Variants in FOXN3 observed in about 807,000 individuals in gnomAD.
FOXN3 encodes the protein forkhead box protein N3.
FOXN3 carries 7 observed loss-of-function variants against 38.4 expected under a neutral mutation model. The observed-to-expected ratio is 0.18, with a 90% CI of 0.10 to 0.34. The LOEUF (loss-of-function observed/expected upper bound fraction) is 0.34. FOXN3 is among the 10% of genes least tolerant of loss of function. The probability of loss-of-function intolerance (pLI) is 1.00; values close to 1 mark genes in which losing one functional copy is unlikely to be tolerated. For missense variants in FOXN3, 456 were observed against 613.4 expected (o/e 0.74, Z 2.71); for synonymous variants, 230 against 242.2 (o/e 0.95, Z 0.47).
intron 4 of FOXN3, among the ~76,000 whole-genome samples, chr14:89,226,175 TAAAAA>T (rs138507883): frequency 9.2e-6 from 1 of 108,274 alleles, no homozygotes; most frequent in Non-Finnish European, 1.9e-5. Flanking sequence ...CAAGGAGACA[TAAAAA>T]AAAAAAAAAG....
At chr14:89,211,798 G>T (rs577518011) in intron 4 of FOXN3, among the ~76,000 whole-genome samples, 1 of 152,312 alleles carries the variant, frequency 6.6e-6, no homozygotes, top group South Asian at 2.1e-4. Context: ...TTTGGTCTGG[G>T]ATGATCCTGA....
chr14:89,246,542 C>CTTTTTTTTTTTTTTTTTTTTTTTT (rs755916666), intron 4 of FOXN3, among the ~76,000 whole-genome samples: 1 of 83,986 alleles, frequency 1.2e-5, no homozygotes, highest in Non-Finnish European at 2.1e-5. Flanking sequence ...CAGGATGCGG[C>CTTTTTTTTTTTTTTTTTTTTTTTT]TTTTTTTTTT....
intron 4 of FOXN3, among the ~76,000 whole-genome samples, chr14:89,268,769 T>G (rs1886059721): frequency 6.6e-6 from 1 of 152,128 alleles, no homozygotes. Flanking sequence ...AGGGAGTTTC[T>G]GTAAGAAGCT....
intron 1 of FOXN3, among the ~76,000 whole-genome samples, chr14:89,465,223 GTT>G (rs11307971): frequency 0.12 from 18,001 of 151,922 alleles, 1,171 homozygotes; most frequent in African/African-American, 0.17. Flanking sequence ...GCATGTCTTT[GTT>G]TTTTTTTGTT....
At chr14:89,376,900 G>A (rs188943766) in intron 2 of FOXN3, among the ~76,000 whole-genome samples, 6 of 151,480 alleles carry the variant, frequency 4.0e-5, no homozygotes, top group Admixed American at 1.3e-4. Flanking sequence ...TGTAATCCCA[G>A]CTACTCAGGA....
In FOXN3 at chr14:89,412,512, A is replaced by C. The variant is rs772112469; in HGVS notation, c.-14-22T>G. 1 of 1,555,950 alleles carries C rather than the reference A, an allele frequency of 6.4e-7. No homozygotes were observed. Among genetic ancestry groups the C allele is most frequent in the Non-Finnish European group, 8.7e-7 (1 of 1,149,488 alleles). On this transcript the variant is annotated intron_variant, in intron 1 of 5. Transcript: ENST00000557258. The surrounding 1 kb of genome is among the most constrained non-coding windows in gnomAD (Gnocchi z 4.7). Reference sequence around the variant, plus strand: ...GCTCCTAGTAAAGACATCACAAAGAAATGATGAGCTGGCGAGGCCCAAAAC... The same window carrying C: ...GCTCCTAGTAAAGACATCACAAAGACATGATGAGCTGGCGAGGCCCAAAAC...
chr14:89,187,887 T>A, intron 4 of FOXN3, among the ~76,000 whole-genome samples: 1 of 152,160 alleles, frequency 6.6e-6, no homozygotes, highest in Non-Finnish European at 1.5e-5. Context: ...GTACTTGCCC[T>A]TGACCTCCAG....
chr14:89,559,691 A>G (rs760340900), intron 1 of FOXN3, among the ~76,000 whole-genome samples: 2 of 152,176 alleles, frequency 1.3e-5, no homozygotes, highest in Non-Finnish European at 2.9e-5. Flanking sequence ...AAAATGTAGC[A>G]AATAAAATAA....
intron 2 of FOXN3, among the ~76,000 whole-genome samples, chr14:89,367,806 G>A (rs1890201269): frequency 6.6e-6 from 1 of 150,606 alleles, no homozygotes; most frequent in South Asian, 2.1e-4. Flanking sequence ...GCTGTCCAGA[G>A]AGCCAGGGCT....
intron 1 of FOXN3, among the ~76,000 whole-genome samples, chr14:89,467,747 C>T (rs1465861692): frequency 6.6e-6 from 1 of 150,396 alleles, no homozygotes; most frequent in Non-Finnish European, 1.5e-5. Context: ...AGGTAAGTGC[C>T]ACCAAGCCCA....
intron 1 of FOXN3, among the ~76,000 whole-genome samples, chr14:89,464,838 C>T (rs777720633): frequency 1.3e-5 from 2 of 152,076 alleles, no homozygotes; most frequent in African/African-American, 2.4e-5. Context: ...GCTGGGATTA[C>T]AGCTGCCCAC....
At chr14:89,583,139 G>C (rs1272589559) in intron 1 of FOXN3, among the ~76,000 whole-genome samples, 1 of 152,152 alleles carries the variant, frequency 6.6e-6, no homozygotes, top group East Asian at 1.9e-4. Flanking sequence ...TAGACTCATT[G>C]ACTGTAATGA....
At chr14:89,506,844 T>C (rs1893951152) in intron 1 of FOXN3, among the ~76,000 whole-genome samples, 1 of 152,330 alleles carries the variant, frequency 6.6e-6, no homozygotes, top group East Asian at 1.9e-4. Flanking sequence ...CTGTGCTCAC[T>C]GAAACATGTG....
intron 3 of FOXN3, among the ~76,000 whole-genome samples, chr14:89,343,582 A>G (rs1384768329): frequency 6.6e-6 from 1 of 151,190 alleles, no homozygotes; most frequent in Non-Finnish European, 1.5e-5. Flanking sequence ...AAGAACCTCA[A>G]TATCAGAAAG....
chr14:89,528,376 C>CTTTTTTT (rs55935162), intron 1 of FOXN3, among the ~76,000 whole-genome samples: 768 of 53,578 alleles, frequency 0.014, 143 homozygotes, highest in East Asian at 0.019. Flanking sequence ...ATGGATGAAT[C>CTTTTTTT]TTTTTTTTTT....
intron 1 of FOXN3, among the ~76,000 whole-genome samples, chr14:89,413,694 G>A (rs1200781432): frequency 2.1e-5 from 3 of 142,794 alleles, no homozygotes; most frequent in Non-Finnish European, 3.1e-5. Flanking sequence ...GAAGGGAACG[G>A]AAGAGAAGGG....
intron 1 of FOXN3, among the ~76,000 whole-genome samples, chr14:89,603,244 G>C (rs1057204757): frequency 6.6e-6 from 1 of 152,206 alleles, no homozygotes; most frequent in Non-Finnish European, 1.5e-5. Context: ...TTGGAGCCAT[G>C]GGTTGAAAAT....
At chr14:89,382,854 G>A (rs1337481409) in intron 2 of FOXN3, among the ~76,000 whole-genome samples, 2 of 152,126 alleles carry the variant, frequency 1.3e-5, no homozygotes, top group Non-Finnish European at 2.9e-5. Context: ...TGACATGTAC[G>A]TGAAAGGGAC....
At chr14:89,500,621 A>G (rs1893776763) in intron 1 of FOXN3, among the ~76,000 whole-genome samples, 1 of 152,170 alleles carries the variant, frequency 6.6e-6, no homozygotes, top group South Asian at 2.1e-4. Flanking sequence ...TCGGGGCTGG[A>G]AAAAGGGACA....
Sources: allele counts gnomAD v4.1 joint callset (sites outside exome capture counted in the v4.1 genomes callset), GRCh38; gene constraint gnomAD v4.1.1; non-coding constraint Gnocchi (gnomAD v3.1); transcripts MANE v1.5; gene names NCBI Gene and HGNC (gene_info 2026-07-23, HGNC 2026-07-21).